SLC29A4: variants seen among roughly 807,000 people sequenced by gnomAD.
SLC29A4 encodes the protein solute carrier family 29 member 4, also known as equilibrative nucleoside transporter 4.
SLC29A4 carries 36 observed loss-of-function variants against 43.9 expected under a neutral mutation model. That is an observed-to-expected ratio of 0.82 (90% CI 0.63 to 1.08). The LOEUF (loss-of-function observed/expected upper bound fraction) is 1.08, where lower values mean the gene tolerates loss of function less well. Ranked by LOEUF, SLC29A4 falls within the 50% of genes least tolerant of loss-of-function variation. The pLI, the probability that SLC29A4 is intolerant of heterozygous loss-of-function variation, is 0.00. For synonymous variants in SLC29A4, 491 were observed against 338.0 expected (o/e 1.45, Z -4.97); for missense variants, 869 against 755.3 (o/e 1.15, Z -1.77).
In SLC29A4 at chr7:5,306,223, A is replaced by G. The variant is rs1383023468; in HGVS notation, c.*3284A>G. ...TTTTTTTTTTTTTTTTTTTGAGACA[A>G]TCTCTGTCACCCCCAGGCCAGAGTG... On this transcript the variant is annotated 3_prime_UTR_variant, in exon 11 of 11. Coordinates refer to ENST00000396872, the MANE Select transcript of SLC29A4 (RefSeq NM_153247.4). 3 of 106,818 alleles carry G rather than the reference A, an allele frequency of 2.8e-5. No individual in the cohort carries two copies. Among genetic ancestry groups the G allele is most frequent in the African/African-American group, 1.1e-4 (3 of 26,192 alleles). 6.6% of individuals were successfully genotyped at this position (106,818 alleles called of 1,614,324 possible).
In SLC29A4 at chr7:5,296,916, C is replaced by G. The variant is rs1303704267; in HGVS notation, c.620-20C>G. ...GGAGCTGGGCGGATCAGGCCCCGGC[C>G]CACTGTGCACGCCCCCCAGGCACGG... is the stretch of plus-strand genomic sequence containing the variant. On this transcript the variant is annotated intron_variant, in intron 6 of 10. Transcript: ENST00000396872. 5 of 1,573,782 alleles carry G rather than the reference C, an allele frequency of 3.2e-6. No individual in the cohort carries two copies. Among genetic ancestry groups the G allele is most frequent in the African/African-American group, 1.3e-5 (1 of 74,162 alleles).
intron 7 of SLC29A4, among the ~76,000 whole-genome samples, chr7:5,298,640 C>T (rs1184777487): frequency 6.6e-6 from 1 of 152,004 alleles, no homozygotes; most frequent in Non-Finnish European, 1.5e-5. Flanking sequence ...AAAAAGAAAA[C>T]GGCAAAAAAG....
Position 5,287,859 on chromosome 7 carries a change from G to T in SLC29A4, c.43G>T (p.Ala15Ser). 1.2e-6 allele frequency: 2 copies of T among 1,612,002 alleles called. No individual in the cohort carries two copies. Among genetic ancestry groups the T allele is most frequent in the Admixed American group, 3.3e-5 (2 of 60,016 alleles). The change falls in exon 2 of 11, where the codon GCA becomes TCA. Residue 15 changes from alanine (A) to serine (S), a missense_variant. Physicochemically the swap from Ala to Ser is moderately conservative, Grantham distance 99. Coordinates refer to ENST00000396872, the MANE Select transcript of SLC29A4 (RefSeq NM_153247.4). ...CCAGCGCCTTGAGGAGCCCAGCGTG[G>T]CAGGCACACCAGACCCGGGCGTAGT... is the stretch of plus-strand genomic sequence containing the variant. Reference protein sequence around the residue: ...GSQRLEEPSVAGTPDPGVVMS... With the variant: ...GSQRLEEPSVSGTPDPGVVMS...
At chr7:5,299,452 T>C (rs765971020) in intron 9 of SLC29A4, 25 bp downstream of exon 9, 7 of 1,599,788 alleles carry the variant, frequency 4.4e-6, no homozygotes, top group Non-Finnish European at 6.0e-6. Flanking sequence ...CTGCCCGGTG[T>C]CGGGGGACGC....
At position 5,296,995 on chromosome 7, in the gene SLC29A4, G is replaced by A. The variant is rs1421547063; in HGVS notation, c.679G>A (p.Glu227Lys). ...RILTKLLLPD[E>K]RASTLIFFLV... ...CCTCACGAAGCTGCTGCTGCCCGAC[G>A]AGCGCGCCAGCACGCTCATCTTCTT... The change falls in exon 7 of 11, where the codon GAG (glutamate) becomes AAG (lysine). Residue 227 changes from glutamate (E) to lysine (K), a missense_variant. Physicochemically the swap from Glu to Lys is moderately conservative, Grantham distance 56. Transcript: ENST00000396872. 1.0e-5 allele frequency: 16 copies of A among 1,603,900 alleles called. No homozygotes were observed. Among genetic ancestry groups the A allele is most frequent in the Non-Finnish European group, 1.4e-5 (16 of 1,179,616 alleles).
chr7:5,286,416 G>A (rs1331614524), intron 1 of SLC29A4, among the ~76,000 whole-genome samples: 5 of 150,320 alleles, frequency 3.3e-5, no homozygotes, highest in Non-Finnish European at 7.4e-5. Context: ...CCAGCTACTC[G>A]GGAGGCTGAG....
At position 5,305,681 on chromosome 7, in the gene SLC29A4, C is replaced by A. The variant is rs908190220; in HGVS notation, c.*2742C>A. 6.6e-6 allele frequency: 1 copy of A among 152,008 alleles called. No individual in the cohort carries two copies. Among genetic ancestry groups the A allele is most frequent in the African/African-American group, 2.4e-5 (1 of 41,328 alleles). The allele number at this position is 152,008 out of a possible 1,614,324, so 9.4% of individuals were successfully genotyped here. On this transcript the variant is annotated 3_prime_UTR_variant, in exon 11 of 11. Coordinates refer to ENST00000396872, the MANE Select transcript of SLC29A4 (RefSeq NM_153247.4). ...CAAGCGATTCTCCTGCCTCAGCCTC[C>A]CGAGTAGCTGGGATTACAGGCATGT... is the stretch of plus-strand genomic sequence containing the variant.
Position 5,291,831 on chromosome 7 carries a change from G to A in SLC29A4, c.544+10G>A, listed in dbSNP as rs565030573. 6.0e-5 allele frequency: 96 copies of A among 1,608,406 alleles called. No individual in the cohort carries two copies. Among genetic ancestry groups the A allele is most frequent in the South Asian group, 3.9e-4 (35 of 90,732 alleles). ...GCCTTCGGCTGCACAGGTAGGAACC[G>A]GGGCCCAAGGGGGAGGCCTTGAGTG... On this transcript the variant is annotated intron_variant, in intron 5 of 10. Transcript: ENST00000396872.
At chr7:5,300,873 C>T (rs1786114562) in intron 10 of SLC29A4, among the ~76,000 whole-genome samples, 1 of 152,152 alleles carries the variant, frequency 6.6e-6, no homozygotes, top group Non-Finnish European at 1.5e-5. Flanking sequence ...CTTGGTGAGC[C>T]CCTCCTGTGG....
At chr7:5,292,536 C>G (rs1296996305) in intron 5 of SLC29A4, among the ~76,000 whole-genome samples, 6 of 152,088 alleles carry the variant, frequency 3.9e-5, no homozygotes, top group South Asian at 2.1e-4. Context: ...TCCACCCCGT[C>G]TCTCTGTACT....
intron 2 of SLC29A4, among the ~76,000 whole-genome samples, chr7:5,288,644 C>T (rs1197990118): frequency 1.3e-5 from 2 of 152,076 alleles, no homozygotes; most frequent in Non-Finnish European, 1.5e-5. Context: ...TGGTCACACT[C>T]GTTGGCCAAA....
rs1442346510 is a variant in SLC29A4, at chr7:5,303,356, C to T, written c.*417C>T. 1.3e-5 allele frequency: 3 copies of T among 225,466 alleles called. No individual in the cohort carries two copies. Among genetic ancestry groups the T allele is most frequent in the African/African-American group, 2.3e-5 (1 of 42,606 alleles). The allele number at this position is 225,466 out of a possible 1,614,324, so 14.0% of individuals were successfully genotyped here. A position where few individuals can be genotyped will look rare whatever the true frequency, so the allele number is the denominator to read the frequency against. ...TCACCCACCGGCACTGATCGGGGCA[C>T]CGCCTGGCCCAGCCTCCACCAGGGA... On this transcript the variant is annotated 3_prime_UTR_variant, in exon 11 of 11. Coordinates refer to ENST00000396872, the MANE Select transcript of SLC29A4 (RefSeq NM_153247.4).
intron 5 of SLC29A4, among the ~76,000 whole-genome samples, chr7:5,293,273 G>C (rs1785433941): frequency 6.7e-6 from 1 of 149,946 alleles, no homozygotes; most frequent in Non-Finnish European, 1.5e-5. Flanking sequence ...CCAGGTTCAA[G>C]GGATTCTCCT....
At chr7:5,296,906 A>C (rs369524910) in intron 6 of SLC29A4, 30 bp from the exon 7 acceptor site, 20 of 1,558,284 alleles carry the variant, frequency 1.3e-5, no homozygotes, top group Non-Finnish European at 1.7e-5. Context: ...TGGGCGGATC[A>C]GGCCCCGGCC....
At chr7:5,286,159 C>T (rs1221020253) in intron 1 of SLC29A4, among the ~76,000 whole-genome samples, 1 of 152,158 alleles carries the variant, frequency 6.6e-6, no homozygotes, top group East Asian at 1.9e-4. Context: ...GCTGTCCTCT[C>T]TGTTAGCCTC....
Position 5,302,829 on chromosome 7 carries a change from C to T in SLC29A4, c.1483C>T (p.Leu495=). 1.3e-6 allele frequency: 2 copies of T among 1,573,180 alleles called. No individual in the cohort carries two copies. Among genetic ancestry groups the T allele is most frequent in the African/African-American group, 1.4e-5 (1 of 74,064 alleles). The change falls in exon 11 of 11, where the codon CTG becomes TTG. Residue 495 remains leucine (L), a synonymous_variant. Coordinates refer to ENST00000396872, the MANE Select transcript of SLC29A4 (RefSeq NM_153247.4). Reference sequence around the variant, plus strand: ...CATGACCGTGTCCTACATGTCAGGGCTGACGCTGGGGTCCGCCGTGGCCTA... The same window carrying T: ...CATGACCGTGTCCTACATGTCAGGGTTGACGCTGGGGTCCGCCGTGGCCTA... ...NTMTVSYMSG[L]TLGSAVAYCT... is the part of the protein sequence containing the mutation.
chr7:5,301,848 G>T (rs7811048), intron 10 of SLC29A4, among the ~76,000 whole-genome samples: 6 of 152,158 alleles, frequency 3.9e-5, no homozygotes, highest in Non-Finnish European at 7.3e-5. Flanking sequence ...AAGAGGCCTC[G>T]TTGGGAGGGG....
At chr7:5,285,937 G>C (rs1393554178) in intron 1 of SLC29A4, among the ~76,000 whole-genome samples, 6 of 152,106 alleles carry the variant, frequency 3.9e-5, no homozygotes, top group African/African-American at 7.2e-5. Flanking sequence ...TTCAGCCTGA[G>C]AGGCAGAGGC....
rs1334565709 is a variant in SLC29A4, at chr7:5,300,326, T to C, written c.1210-96T>C. On this transcript the variant is annotated intron_variant, in intron 9 of 10. Coordinates refer to ENST00000396872, the MANE Select transcript of SLC29A4 (RefSeq NM_153247.4). The stretch of plus-strand genomic sequence containing the variant: ...AGGCTGAGCTGGACAGGCCCAGGAG[T>C]GTTTAGGGATGGGGATGTGGCTAGA... 1.7e-5 allele frequency: 27 copies of C among 1,552,158 alleles called. No homozygotes were observed. In the South Asian group the frequency reaches 2.0e-4, roughly 12 times the overall value.
Sources: gnomAD v4.1 joint callset for allele counts (sites outside exome capture counted in the v4.1 genomes callset) on GRCh38, gnomAD v4.1.1 for gene constraint, MANE v1.5 for transcripts, NCBI Gene and HGNC (gene_info 2026-07-23, HGNC 2026-07-21) for gene names.